Variants in TBC1D22A observed in about 807,000 individuals in gnomAD.
TBC1D22A encodes TBC1 domain family member 22A.
TBC1D22A carries 38 observed loss-of-function variants against 60.2 expected under a neutral mutation model. That is an observed-to-expected ratio of 0.63 (90% CI 0.49 to 0.83). The LOEUF is 0.83. Among genes scored for constraint, TBC1D22A ranks in the 40% least tolerant of loss-of-function variants. The pLI is 0.00. For synonymous variants in TBC1D22A, 302 were observed against 281.7 expected (o/e 1.07, Z -0.72); for missense variants, 628 against 701.0 (o/e 0.90, Z 1.18).
chr22:46,865,728 C>A (rs2067020101), intron 4 of TBC1D22A, among the ~76,000 whole-genome samples: 1 of 152,202 alleles, frequency 6.6e-6, no homozygotes, highest in Non-Finnish European at 1.5e-5. Flanking sequence ...GGGCCGGTTC[C>A]CCCAATGCCC....
At chr22:46,976,070 G>C (rs2074282156) in intron 9 of TBC1D22A, among the ~76,000 whole-genome samples, 1 of 152,164 alleles carries the variant, frequency 6.6e-6, no homozygotes, top group Admixed American at 6.5e-5. Flanking sequence ...TTAGAAAAAG[G>C]ATTGAATCAT....
chr22:47,118,070 C>T (rs959830380), intron 12 of TBC1D22A, among the ~76,000 whole-genome samples: 1 of 152,066 alleles, frequency 6.6e-6, no homozygotes, highest in Non-Finnish European at 1.5e-5. Context: ...TTGCAGTGAG[C>T]CGAGATGACA....
At chr22:46,886,132 C>G (rs2068102493) in intron 5 of TBC1D22A, among the ~76,000 whole-genome samples, 1 of 152,096 alleles carries the variant, frequency 6.6e-6, no homozygotes, top group African/African-American at 2.4e-5. Context: ...ATCTCCTGAC[C>G]TCGTGATCTG....
intron 4 of TBC1D22A, among the ~76,000 whole-genome samples, chr22:46,861,099 G>T (rs2087856776): frequency 6.6e-6 from 1 of 152,078 alleles, no homozygotes; most frequent in South Asian, 2.1e-4. Context: ...CTGGGACTAT[G>T]TGTGCACCAC....
At chr22:46,796,173 CG>C (rs1014778789) in intron 3 of TBC1D22A, among the ~76,000 whole-genome samples, 2 of 150,746 alleles carry the variant, frequency 1.3e-5, no homozygotes, top group Non-Finnish European at 3.0e-5. Context: ...GAGTGGGCAG[CG>C]GGGATGGGGG....
rs573409722 is a variant in TBC1D22A at position 46,984,236 on chromosome 22, G to A, written c.1125+9837G>A. Among the ~76,000 whole-genome samples, 261 of 151,374 alleles carry A rather than the reference G, an allele frequency of 1.7e-3. 2 individuals are homozygous for A. The highest frequency in any genetic ancestry group is 5.4e-3 in the African/African-American group (223 of 41,314). On this transcript the variant is annotated intron_variant, in intron 9 of 12. Coordinates refer to ENST00000337137, the MANE Select transcript of TBC1D22A (RefSeq NM_014346.5). ...ACAAAAATTAGCCGGGCATGGTGGC[G>A]CGCGCCTGTAATCCCATCTACTTGG... is the stretch of plus-strand genomic sequence containing the variant.
intron 12 of TBC1D22A, among the ~76,000 whole-genome samples, chr22:47,157,443 C>T (rs978299927): frequency 5.3e-5 from 8 of 152,184 alleles, no homozygotes; most frequent in Non-Finnish European, 1.2e-4. Context: ...TGCACGTGTC[C>T]GTCTAGATGA....
chr22:46,812,091 C>T (rs1393087359), intron 4 of TBC1D22A, among the ~76,000 whole-genome samples: 2 of 152,150 alleles, frequency 1.3e-5, no homozygotes, highest in African/African-American at 4.8e-5. Flanking sequence ...ATGATCAGAG[C>T]TGTGCTTTGG....
At chr22:46,841,154 A>G (rs2086752380) in intron 4 of TBC1D22A, among the ~76,000 whole-genome samples, 1 of 152,160 alleles carries the variant, frequency 6.6e-6, no homozygotes, top group African/African-American at 2.4e-5. Context: ...ATGTGTTGAA[A>G]TGTAATCAGC....
intron 12 of TBC1D22A, among the ~76,000 whole-genome samples, chr22:47,132,952 C>T (rs149760636): frequency 1.5e-3 from 227 of 152,344 alleles, no homozygotes; most frequent in African/African-American, 5.2e-3. Flanking sequence ...ATTTCAGCCT[C>T]GCCGAAGGGC....
intron 8 of TBC1D22A, among the ~76,000 whole-genome samples, chr22:46,941,792 A>C (rs1422112347): frequency 6.5e-5 from 8 of 122,498 alleles, no homozygotes; most frequent in South Asian, 2.2e-4. Context: ...TATATATAGA[A>C]TATATAGAAT....
intron 1 of TBC1D22A, among the ~76,000 whole-genome samples, chr22:46,782,991 A>G (rs2084005111): frequency 6.6e-6 from 1 of 152,212 alleles, no homozygotes; most frequent in African/African-American, 2.4e-5. Context: ...TTGATGGGTC[A>G]TGCGATAACT....
intron 1 of TBC1D22A, among the ~76,000 whole-genome samples, chr22:46,776,318 G>A (rs187155465): frequency 2.6e-5 from 4 of 152,280 alleles, no homozygotes; most frequent in African/African-American, 9.6e-5. Context: ...GAGAACAGAG[G>A]TGTGCGTGGA....
intron 7 of TBC1D22A, among the ~76,000 whole-genome samples, chr22:46,896,285 T>G (rs2187615): frequency 6.6e-6 from 1 of 151,970 alleles, no homozygotes; most frequent in Non-Finnish European, 1.5e-5. Context: ...TTGTATGTTG[T>G]AAAGATCTTC....
intron 11 of TBC1D22A, among the ~76,000 whole-genome samples, chr22:47,072,850 C>A (rs919831960): frequency 2.0e-5 from 3 of 152,204 alleles, no homozygotes; most frequent in Non-Finnish European, 4.4e-5. Context: ...GTTCATCAGA[C>A]CTGCCCTGCC....
chr22:46,920,057 T>TGTATGTATGTATGTATGTA (rs1555949341), intron 8 of TBC1D22A, among the ~76,000 whole-genome samples: 6 of 59,158 alleles, frequency 1.0e-4, no homozygotes, highest in African/African-American at 2.3e-4. Flanking sequence ...ATGTGTTTGT[T>TGTATGTATGTATGTATGTA]TGTATGTATG....
intron 4 of TBC1D22A, among the ~76,000 whole-genome samples, chr22:46,816,538 A>G (rs1321857344): frequency 1.3e-5 from 2 of 152,254 alleles, no homozygotes; most frequent in South Asian, 2.1e-4. Context: ...GAATAGTACC[A>G]TCTCAACAGC....
At chr22:46,946,743 G>A (rs189011369) in intron 8 of TBC1D22A, among the ~76,000 whole-genome samples, 22 of 152,324 alleles carry the variant, frequency 1.4e-4, no homozygotes, top group African/African-American at 4.6e-4. Flanking sequence ...CAGCAAGTCT[G>A]TGCTACCTGG....
Position 47,009,139 on chromosome 22 carries a change from C to T in TBC1D22A, c.1201+11430C>T, listed in dbSNP as rs1326530624. Among the ~76,000 whole-genome samples the T allele has an allele frequency of 6.6e-6, 1 of 152,104 alleles. No homozygotes were observed. The highest frequency in any genetic ancestry group is 1.9e-4 in the East Asian group (1 of 5,188). ...TTGTGAGGAATGTCCCCACTCTAGC[C>T]CTTGTTTCCCCATGCATGACGGGTC... On this transcript the variant is annotated intron_variant, in intron 10 of 12. Coordinates refer to ENST00000337137, the MANE Select transcript of TBC1D22A (RefSeq NM_014346.5). This position sits in a 1 kb window ranked among gnomAD's most constrained non-coding sequence, Gnocchi z 5.8.
Sources: allele counts gnomAD v4.1 joint callset (sites outside exome capture counted in the v4.1 genomes callset), GRCh38; gene constraint gnomAD v4.1.1; non-coding constraint Gnocchi (gnomAD v3.1); transcripts MANE v1.5; gene names NCBI Gene and HGNC (gene_info 2026-07-23, HGNC 2026-07-21).